PAK3: variants seen among roughly 807,000 people sequenced by gnomAD.
The protein encoded by PAK3 is p21 (RAC1) activated kinase 3, also known as serine/threonine-protein kinase PAK 3.
Under a neutral mutation model 41.0 loss-of-function variants are expected in PAK3, and 4 were observed. The observed-to-expected ratio is 0.10, with a 90% CI of 0.05 to 0.22. The LOEUF (loss-of-function observed/expected upper bound fraction) is 0.22, where lower values mean the gene tolerates loss of function less well. Among genes scored for constraint, PAK3 ranks in the 10% least tolerant of loss-of-function variants. The probability of loss-of-function intolerance (pLI) is 1.00; values close to 1 mark genes in which losing one functional copy is unlikely to be tolerated. For synonymous variants in PAK3, 146 were observed against 139.6 expected, an observed-to-expected ratio of 1.05 and a Z score of -0.32; for missense variants, 205 against 409.9, an observed-to-expected ratio of 0.50 and a Z score of 4.32.
chrX:111,127,082 CAT>C (rs1430176889), intron 5 of PAK3, among the ~76,000 whole-genome samples: 15 of 111,854 alleles, frequency 1.3e-4, no homozygotes, highest in African/African-American at 4.9e-4. Context: ...TATATGTGCA[CAT>C]ATATAATTTT....
chrX:111,127,865 T>G (rs1402569658), intron 5 of PAK3, among the ~76,000 whole-genome samples: 1 of 112,389 alleles, frequency 8.9e-6, no homozygotes, highest in Non-Finnish European at 1.9e-5. Flanking sequence ...GCTATCATGT[T>G]GTATTTTGTG....
intron 1 of PAK3, among the ~76,000 whole-genome samples, chrX:111,058,431 A>G (rs2092624686): frequency 9.0e-6 from 1 of 111,591 alleles, no homozygotes; most frequent in Admixed American, 9.6e-5. Context: ...TTCCCTGATG[A>G]TTAATAATGT....
chrX:111,005,236 A>AG (rs2091904660), intron 1 of PAK3, among the ~76,000 whole-genome samples: 1 of 110,947 alleles, frequency 9.0e-6, no homozygotes. Context: ...TTTGGGTGGG[A>AG]GGGGGTGCGG....
At chrX:111,167,133 T>C (rs773625236) in intron 10 of PAK3, among the ~76,000 whole-genome samples, 16 of 111,659 alleles carry the variant, frequency 1.4e-4, no homozygotes, top group African/African-American at 4.9e-4. Context: ...GATCATATTT[T>C]TCAGCATAAA....
chrX:111,144,429 G>A (rs2093916228), intron 6 of PAK3, among the ~76,000 whole-genome samples: 1 of 111,318 alleles, frequency 9.0e-6, no homozygotes, highest in Non-Finnish European at 1.9e-5. Flanking sequence ...TTTAACCTGT[G>A]ATTTACATTT....
chrX:111,008,006 T>C (rs1256238543), intron 1 of PAK3, among the ~76,000 whole-genome samples: 1 of 112,082 alleles, frequency 8.9e-6, no homozygotes, highest in Middle Eastern at 4.2e-3. Flanking sequence ...ATCTATAAAA[T>C]AGGGTCAATA....
chrX:110,953,665 G>C (rs1011387118), intron 1 of PAK3, among the ~76,000 whole-genome samples: 6 of 111,628 alleles, frequency 5.4e-5, no homozygotes, highest in Non-Finnish European at 9.4e-5. Context: ...ATTTTCAAAA[G>C]TGGGGAAGTC....
intron 1 of PAK3, among the ~76,000 whole-genome samples, chrX:111,068,359 G>A (rs779749670): frequency 3.8e-4 from 43 of 112,160 alleles, no homozygotes; most frequent in Non-Finnish European, 6.6e-4. Context: ...GAGTGCAGTG[G>A]TGCAGTCATG....
intron 1 of PAK3, among the ~76,000 whole-genome samples, chrX:111,089,693 A>G (rs1237719753): frequency 9.0e-6 from 1 of 111,199 alleles, no homozygotes; most frequent in African/African-American, 3.3e-5. Flanking sequence ...AGGAAGTTTG[A>G]TACGGCTGAC....
At chrX:111,068,433 G>A (rs2092716865) in intron 1 of PAK3, among the ~76,000 whole-genome samples, 2 of 112,053 alleles carry the variant, frequency 1.8e-5, no homozygotes, top group South Asian at 7.5e-4. Context: ...CTGAGTAGCT[G>A]AGATCACAGG....
Position 111,123,185 on chromosome X carries a change from C to T in PAK3, c.82C>T (p.Leu28Phe), listed in dbSNP as rs2149002878. The part of the protein sequence containing the change: ...MNSNNRDSSA[L>F]NHSSKPLPMA... ...TAGTAACAACCGGGATTCTTCAGCA[C>T]TCAACCACAGCTCCAAACCACTTCC... Residue 28 changes from leucine (L) to phenylalanine (F), a missense_variant, in exon 5 of 18, where the codon CTC (leucine) becomes TTC (phenylalanine). By Grantham distance (22) the Leu-to-Phe change is conservative. Around this residue, in one of 5 missense-constraint regions of PAK3, gnomAD observed 26 missense variants for 27.4 expected, o/e 0.95. Transcript: ENST00000372007. The T allele has an allele frequency of 1.7e-6, 2 of 1,204,026 alleles. No individual in the cohort carries two copies. The highest frequency in any genetic ancestry group is 1.7e-5 in the African/African-American group (1 of 57,766).
chrX:111,033,620 T>TACAGGA (rs1157423685), intron 1 of PAK3, among the ~76,000 whole-genome samples: 1 of 112,136 alleles, frequency 8.9e-6, no homozygotes, highest in Non-Finnish European at 1.9e-5. Flanking sequence ...GCTATATAGT[T>TACAGGA]ACAGGAAAGG....
chrX:111,019,712 G>A (rs867558905), intron 1 of PAK3, among the ~76,000 whole-genome samples: 113 of 18,139 alleles, frequency 6.2e-3, no homozygotes, highest in Middle Eastern at 0.023. Context: ...AAGAAAGAAA[G>A]AAAAGAAAAA....
intron 1 of PAK3, among the ~76,000 whole-genome samples, chrX:111,012,475 G>A (rs763439267): frequency 2.7e-5 from 3 of 111,565 alleles, no homozygotes; most frequent in South Asian, 3.8e-4. Flanking sequence ...TTCTAGCCAC[G>A]ATCACCTTAG....
At chrX:110,971,272 A>G (rs1349604644) in intron 1 of PAK3, among the ~76,000 whole-genome samples, 1 of 111,990 alleles carries the variant, frequency 8.9e-6, no homozygotes, top group Non-Finnish European at 1.9e-5. Context: ...ATAAACAACC[A>G]CTAGTCTCCA....
intron 1 of PAK3, among the ~76,000 whole-genome samples, chrX:110,950,494 G>A (rs905666494): frequency 2.7e-5 from 3 of 111,280 alleles, no homozygotes; most frequent in African/African-American, 6.5e-5. Context: ...GTGCCATGGC[G>A]GTTTGCTGCA....
chrX:111,117,639 A>G (rs777395940), intron 4 of PAK3, among the ~76,000 whole-genome samples: 5 of 111,917 alleles, frequency 4.5e-5, no homozygotes, highest in African/African-American at 1.3e-4. Flanking sequence ...ACCTGCTACA[A>G]TTAGGTCTAT....
chrX:111,207,719 A>G (rs1352635993), intron 16 of PAK3, among the ~76,000 whole-genome samples: 2 of 112,146 alleles, frequency 1.8e-5, no homozygotes, highest in Non-Finnish European at 3.8e-5. Flanking sequence ...AGAGGGGACA[A>G]CAGTGGTATT....
At position 111,203,325 on chromosome X, in the gene PAK3, C is replaced by G. The variant is rs772670532; in HGVS notation, c.1407+6685C>G. 6.2e-5 allele frequency among the ~76,000 whole-genome samples: 7 copies of G among 112,185 alleles called. No homozygotes were observed. In the South Asian group the frequency reaches 2.6e-3, roughly 42 times the overall value. On this transcript the variant is annotated intron_variant, in intron 16 of 17. Transcript: ENST00000372007. ...TCTCTGATTTACCAGTTGAGTAGCA[C>G]TATCCAAAAAGAAATGACATTAGTT...
Sources: allele counts gnomAD v4.1 joint callset (sites outside exome capture counted in the v4.1 genomes callset), GRCh38; gene constraint gnomAD v4.1.1; regional missense constraint gnomAD v4.1.1; transcripts MANE v1.5; gene names NCBI Gene and HGNC (gene_info 2026-07-23, HGNC 2026-07-21).